The following CADM1 variants were observed in gnomAD, a reference collection of about 807,000 sequenced individuals.
The protein encoded by CADM1 is cell adhesion molecule 1.
CADM1 carries 15 observed loss-of-function variants against 53.1 expected under a neutral mutation model. That is an observed-to-expected ratio of 0.28 (90% CI 0.19 to 0.44). The LOEUF is 0.44. CADM1 is among the 20% of genes least tolerant of loss of function. The pLI is 1.00. For synonymous variants in CADM1, 281 were observed against 243.0 expected (o/e 1.16, Z -1.45); for missense variants, 434 against 611.3 (o/e 0.71, Z 3.06).
intron 1 of CADM1, among the ~76,000 whole-genome samples, chr11:115,312,831 A>T (rs1438532617): frequency 6.6e-6 from 1 of 152,192 alleles, no homozygotes; most frequent in Non-Finnish European, 1.5e-5. Flanking sequence ...AGAAGAGACT[A>T]AAGCCAGTCT....
At chr11:115,312,104 A>G (rs1034421764) in intron 1 of CADM1, among the ~76,000 whole-genome samples, 3 of 152,152 alleles carry the variant, frequency 2.0e-5, no homozygotes, top group Non-Finnish European at 4.4e-5. Context: ...AGAAATGTAA[A>G]CAGAGTATTA....
intron 1 of CADM1, among the ~76,000 whole-genome samples, chr11:115,386,553 C>T (rs982272782): frequency 9.8e-5 from 15 of 152,306 alleles, no homozygotes; most frequent in East Asian, 1.9e-4. Context: ...AGTCCCAGGA[C>T]GGCTCAGGGC....
At chr11:115,484,045 G>C (rs1383879892) in intron 1 of CADM1, among the ~76,000 whole-genome samples, 1 of 152,150 alleles carries the variant, frequency 6.6e-6, no homozygotes, top group East Asian at 1.9e-4. Flanking sequence ...TCTCCTAAAG[G>C]TAACATGCAA....
At chr11:115,218,119 C>T (rs1941264023) in intron 5 of CADM1, 128 bp from the exon 6 acceptor site, 4 of 698,516 alleles carry the variant, frequency 5.7e-6, no homozygotes, top group Non-Finnish European at 1.0e-5. Context: ...TCAGTAACAC[C>T]CTTCTAATTA....
intron 1 of CADM1, among the ~76,000 whole-genome samples, chr11:115,312,844 C>A (rs1205183513): frequency 6.6e-6 from 1 of 152,074 alleles, no homozygotes. Flanking sequence ...GCCAGTCTAA[C>A]CACAGGTTAA....
At chr11:115,196,623 A>T (rs7125930) in intron 9 of CADM1, among the ~76,000 whole-genome samples, 2 of 140,110 alleles carry the variant, frequency 1.4e-5, no homozygotes, top group African/African-American at 5.3e-5. Flanking sequence ...AAAAAAAATC[A>T]CAAAACAATC....
At chr11:115,452,057 A>G (rs1320678741) in intron 1 of CADM1, among the ~76,000 whole-genome samples, 2 of 150,608 alleles carry the variant, frequency 1.3e-5, no homozygotes, top group Non-Finnish European at 3.0e-5. Flanking sequence ...ATGTCCTCCC[A>G]GGTCTAGAAG....
intron 1 of CADM1, among the ~76,000 whole-genome samples, chr11:115,479,281 A>G (rs1191158204): frequency 2.6e-5 from 4 of 152,166 alleles, no homozygotes; most frequent in Admixed American, 2.6e-4. Flanking sequence ...TTATGTTCAA[A>G]TTCTACATTA....
At chr11:115,495,890 A>G (rs1469593771) in intron 1 of CADM1, among the ~76,000 whole-genome samples, 2 of 152,202 alleles carry the variant, frequency 1.3e-5, no homozygotes, top group Admixed American at 1.3e-4. Context: ...CTCTTGGATC[A>G]TCTTCAGAGG....
chr11:115,178,374 G>A lies in CADM1; in HGVS notation c.1297+270C>T, dbSNP rs534091448. ...TTTCCTCTATCCCCAATTATGGATG[G>A]CAGAATAACAACTCTACAAAGCTTT... On this transcript the variant is annotated intron_variant, in intron 11 of 11. Transcript: ENST00000331581. Among the ~76,000 whole-genome samples the A allele has an allele frequency of 1.1e-4, 17 of 152,086 alleles. No homozygotes were observed. In the East Asian group the frequency reaches 3.3e-3, roughly 29 times the overall value.
intron 1 of CADM1, among the ~76,000 whole-genome samples, chr11:115,296,997 AG>A (rs559903365): frequency 9.9e-5 from 15 of 152,236 alleles, no homozygotes; most frequent in Non-Finnish European, 1.9e-4. Flanking sequence ...ATCAGTGTTT[AG>A]CAGATTGCAG....
intron 1 of CADM1, among the ~76,000 whole-genome samples, chr11:115,404,346 AATATATATATATATATAT>A (rs869231204): frequency 3.0e-5 from 1 of 33,792 alleles, no homozygotes; most frequent in East Asian, 1.0e-3. Flanking sequence ...AAAAAAAAAA[AATATATATATATATATAT>A]ATATATATAT....
Position 115,196,771 on chromosome 11 carries a change from AAAGTATCTTAAAAAGAAACTT to A in CADM1, c.1111+1614_1111+1634del, listed in dbSNP as rs1450169613. Among the ~76,000 whole-genome samples the A allele has an allele frequency of 8.5e-5, 13 of 152,272 alleles. No individual in the cohort carries two copies. The East Asian group carries it at 2.1e-3, about 25-fold the overall frequency. On this transcript the variant is annotated intron_variant, in intron 9 of 11. Coordinates refer to ENST00000331581, the MANE Select transcript of CADM1 (RefSeq NM_001301043.2). The stretch of plus-strand genomic sequence containing the variant: ...GTTAATTACAGTAAGCTCAAAACTT[AAAGTATCTTAAAAAGAAACTT>A]AAGTATCTTAAAAAGAATAGAATAA...
In CADM1 at chr11:115,176,390, A is replaced by C; in HGVS notation, c.*84T>G. 2.5e-6 allele frequency: 4 copies of C among 1,604,012 alleles called. No homozygotes were observed. The highest frequency in any genetic ancestry group is 3.4e-6 in the Non-Finnish European group (4 of 1,173,756). ...CCACCCATTCATAAAAAAACACACG[A>C]ATTTCTCGCAAGTTCCAATATCACT... On this transcript the variant is annotated 3_prime_UTR_variant, in exon 12 of 12. Coordinates refer to ENST00000331581, the MANE Select transcript of CADM1 (RefSeq NM_001301043.2).
intron 1 of CADM1, among the ~76,000 whole-genome samples, chr11:115,439,129 A>G (rs1366927328): frequency 2.0e-5 from 3 of 152,226 alleles, no homozygotes; most frequent in Admixed American, 6.5e-5. Context: ...CTGAGCCCCC[A>G]GACCTACTTC....
chr11:115,178,861 G>T, intron 10 of CADM1, 86 bp from the exon 11 acceptor site: 1 of 1,448,268 alleles, frequency 6.9e-7, no homozygotes, highest in Non-Finnish European at 9.6e-7. Context: ...GGGTCAGAGG[G>T]TCACCTTCTT....
chr11:115,174,957 G>A lies in CADM1; in HGVS notation c.*1517C>T, dbSNP rs1187146901. ...CGTGACTCCTCTACCTTTTCCCGAGGCTCCCCATCTAAGATATGTTCAAGG... is the reference window on the plus strand; with the variant it reads ...CGTGACTCCTCTACCTTTTCCCGAGACTCCCCATCTAAGATATGTTCAAGG... On this transcript the variant is annotated 3_prime_UTR_variant, in exon 12 of 12. Transcript: ENST00000331581. 1 of 985,524 alleles carries A rather than the reference G, an allele frequency of 1.0e-6. No homozygotes were observed. Among genetic ancestry groups the A allele is most frequent in the African/African-American group, 1.7e-5 (1 of 57,146 alleles). 61.0% of individuals were successfully genotyped at this position (985,524 alleles called of 1,614,324 possible). A position where few individuals can be genotyped will look rare whatever the true frequency, so the allele number is the denominator to read the frequency against.
At chr11:115,363,388 C>T (rs1046889820) in intron 1 of CADM1, among the ~76,000 whole-genome samples, 1 of 152,096 alleles carries the variant, frequency 6.6e-6, no homozygotes, top group Non-Finnish European at 1.5e-5. Context: ...CTCCAGGTAA[C>T]GTCTTTTCAA....
intron 1 of CADM1, among the ~76,000 whole-genome samples, chr11:115,334,383 C>T (rs980435930): frequency 1.3e-5 from 2 of 151,974 alleles, no homozygotes; most frequent in African/African-American, 4.8e-5. Context: ...ACAGTAGTCC[C>T]CCCCTTATCT....
Sources: gnomAD v4.1 joint callset for allele counts (sites outside exome capture counted in the v4.1 genomes callset) on GRCh38, gnomAD v4.1.1 for gene constraint, MANE v1.5 for transcripts, NCBI Gene and HGNC (gene_info 2026-07-23, HGNC 2026-07-21) for gene names.